LPP: variants seen among roughly 807,000 people sequenced by gnomAD.
LPP encodes LIM domain containing preferred translocation partner in lipoma.
In LPP, 38 loss-of-function variants were observed where a neutral mutation model predicts 60.4. The ratio of observed to expected loss-of-function variants is 0.63; its 90% CI spans 0.49 to 0.83. The LOEUF (loss-of-function observed/expected upper bound fraction) is 0.83. Ranked by LOEUF, LPP falls within the 40% of genes least tolerant of loss-of-function variation. The pLI, the probability that LPP is intolerant of heterozygous loss-of-function variation, is 0.00. For synonymous variants in LPP, 328 were observed against 290.8 expected (o/e 1.13, Z -1.30); for missense variants, 902 against 783.6 (o/e 1.15, Z -1.80).
chr3:188,385,817 G>A (rs370825109), intron 3 of LPP, among the ~76,000 whole-genome samples: 47 of 152,252 alleles, frequency 3.1e-4, no homozygotes, highest in African/African-American at 1.0e-3. Context: ...GGTAGGCTGG[G>A]TCCTTTGTGA....
chr3:188,577,411 G>T (rs1834868483), intron 6 of LPP, among the ~76,000 whole-genome samples: 1 of 151,822 alleles, frequency 6.6e-6, no homozygotes, highest in Non-Finnish European at 1.5e-5. Flanking sequence ...TGTATTTCTT[G>T]AAATCTAATG....
At chr3:188,378,198 C>T (rs140996554) in intron 3 of LPP, among the ~76,000 whole-genome samples, 1,712 of 152,320 alleles carry the variant, frequency 0.011, 25 homozygotes, top group Non-Finnish European at 0.015. Context: ...AGATCTCAAG[C>T]TGCATGCTGG....
chr3:188,400,977 G>A (rs1239351184), intron 3 of LPP, among the ~76,000 whole-genome samples: 1 of 152,110 alleles, frequency 6.6e-6, no homozygotes, highest in East Asian at 1.9e-4. Context: ...AAAATGAAGG[G>A]CTGTAATGAA....
chr3:188,846,778 G>A (rs1035265761), intron 9 of LPP, among the ~76,000 whole-genome samples: 1 of 152,064 alleles, frequency 6.6e-6, no homozygotes, highest in African/African-American at 2.4e-5. Context: ...TACCATAGGG[G>A]AATGACTGAG....
At chr3:188,621,512 T>C (rs1845795853) in intron 7 of LPP, among the ~76,000 whole-genome samples, 1 of 152,232 alleles carries the variant, frequency 6.6e-6, no homozygotes, top group Non-Finnish European at 1.5e-5. Flanking sequence ...ATGATTTTTT[T>C]TGACTGCACA....
intron 6 of LPP, among the ~76,000 whole-genome samples, chr3:188,535,359 T>A (rs1188344434): frequency 3.3e-5 from 5 of 152,200 alleles, no homozygotes; most frequent in African/African-American, 9.7e-5. Context: ...AAGAAATAAT[T>A]GTGATGAGTA....
chr3:188,214,016 A>G (rs1220385231), intron 1 of LPP, among the ~76,000 whole-genome samples: 1 of 146,444 alleles, frequency 6.8e-6, no homozygotes, highest in Non-Finnish European at 1.5e-5. Context: ...TAAGCCTACC[A>G]AAGCAGGATA....
intron 7 of LPP, among the ~76,000 whole-genome samples, chr3:188,643,358 AT>A (rs1051420156): frequency 3.3e-5 from 5 of 152,148 alleles, no homozygotes; most frequent in Non-Finnish European, 7.4e-5. Context: ...TCACTTCTTC[AT>A]TTGTCTTAGG....
chr3:188,700,861 G>T (rs1482235158), intron 7 of LPP, among the ~76,000 whole-genome samples: 1 of 152,130 alleles, frequency 6.6e-6, no homozygotes, highest in Admixed American at 6.5e-5. Context: ...CTAAAGATTG[G>T]TAATGATATG....
rs565232097 is a variant in LPP, at chr3:188,886,306, A to C, written c.*11827A>C. The C allele has an allele frequency of 6.6e-4, 112 of 169,722 alleles. No individual in the cohort carries two copies. Among genetic ancestry groups the C allele is most frequent in the Non-Finnish European group, 1.2e-3 (91 of 78,762 alleles). 10.5% of individuals were successfully genotyped at this position (169,722 alleles called of 1,614,324 possible). ...CCCTAAAACTTAAAGTATAATAATAATGAAATAAAATTAAAAAAAAAAAAG... is the reference window on the plus strand; with the variant it reads ...CCCTAAAACTTAAAGTATAATAATACTGAAATAAAATTAAAAAAAAAAAAG... On this transcript the variant is annotated 3_prime_UTR_variant, in exon 12 of 12. Transcript: ENST00000617246.
At chr3:188,284,294 G>T (rs1442568160) in intron 2 of LPP, among the ~76,000 whole-genome samples, 1 of 152,048 alleles carries the variant, frequency 6.6e-6, no homozygotes, top group Non-Finnish European at 1.5e-5. Context: ...AGAGAAAGAT[G>T]GAGTTAGAAG....
rs143669340 is a variant in LPP at position 188,671,473 on chromosome 3, A to T, written c.1114-36794A>T. 4.1e-4 allele frequency among the ~76,000 whole-genome samples: 62 copies of T among 152,234 alleles called. 1 individual carries two copies. Among genetic ancestry groups the T allele is most frequent in the African/African-American group, 1.4e-3 (58 of 41,554 alleles). On this transcript the variant is annotated intron_variant, in intron 7 of 11. Transcript: ENST00000617246. Reference sequence around the variant, plus strand: ...CAATCAGCCATTTTTTTCTATGCAAATCACAAATCTCATTTATTAATGCCT... The same window carrying T: ...CAATCAGCCATTTTTTTCTATGCAATTCACAAATCTCATTTATTAATGCCT...
At position 188,498,268 on chromosome 3, in the gene LPP, G is replaced by A. The variant is rs1810828595; in HGVS notation, c.306+13564G>A. 2.0e-5 allele frequency among the ~76,000 whole-genome samples: 3 copies of A among 151,852 alleles called. No homozygotes were observed. In the South Asian group the frequency reaches 6.2e-4, roughly 32 times the overall value. The stretch of plus-strand genomic sequence containing the variant: ...CAATATGATGAAGTACATTCATATT[G>A]TTGCAACTGTCACCAGTATCCATCT... On this transcript the variant is annotated intron_variant, in intron 5 of 11. Transcript: ENST00000617246.
chr3:188,345,817 A>T (rs1286748361), intron 3 of LPP, among the ~76,000 whole-genome samples: 1 of 152,208 alleles, frequency 6.6e-6, no homozygotes. Flanking sequence ...CTTAGAGACC[A>T]CTGGACCTAA....
intron 2 of LPP, among the ~76,000 whole-genome samples, chr3:188,332,401 TA>T (rs1221977895): frequency 6.6e-6 from 1 of 152,200 alleles, no homozygotes; most frequent in Non-Finnish European, 1.5e-5. Flanking sequence ...ACAATACATT[TA>T]AAAAAATTAA....
chr3:188,378,231 G>A (rs1031519227), intron 3 of LPP, among the ~76,000 whole-genome samples: 1 of 152,196 alleles, frequency 6.6e-6, no homozygotes, highest in African/African-American at 2.4e-5. Context: ...TCTCTTCAAA[G>A]CTGTCAGAGA....
chr3:188,239,365 C>T (rs1723039250), intron 2 of LPP, among the ~76,000 whole-genome samples: 1 of 152,192 alleles, frequency 6.6e-6, no homozygotes, highest in East Asian at 1.9e-4. Context: ...AAATGGCCAA[C>T]CATGTCAGTT....
intron 6 of LPP, among the ~76,000 whole-genome samples, chr3:188,595,434 C>T (rs751892299): frequency 3.9e-5 from 6 of 152,292 alleles, no homozygotes; most frequent in Non-Finnish European, 8.8e-5. Flanking sequence ...ATGAGGATTT[C>T]AGCAGTTGTG....
chr3:188,521,870 C>G (rs1426263), intron 5 of LPP, among the ~76,000 whole-genome samples: 79,078 of 151,896 alleles, frequency 0.52, 22,082 homozygotes, highest in East Asian at 0.92. Context: ...AATACACTTA[C>G]CAAATTTATG....
Sources: allele counts gnomAD v4.1 joint callset (sites outside exome capture counted in the v4.1 genomes callset), GRCh38; gene constraint gnomAD v4.1.1; transcripts MANE v1.5; gene names NCBI Gene and HGNC (gene_info 2026-07-23, HGNC 2026-07-21).